The following COMMD6 variants were observed in gnomAD, a reference collection of about 807,000 sequenced individuals.
COMMD6 encodes COMM domain-containing protein 6.
In COMMD6, 11 loss-of-function variants were observed where a neutral mutation model predicts 13.4. The ratio of observed to expected loss-of-function variants is 0.82; its 90% CI spans 0.52 to 1.36. COMMD6 has a LOEUF of 1.36. COMMD6 is among the 40% of genes most tolerant of loss of function. COMMD6 has a pLI of 0.00. For synonymous variants in COMMD6, 43 were observed against 36.5 expected, an observed-to-expected ratio of 1.18 and a Z score of -0.64; for missense variants, 124 against 102.4, an observed-to-expected ratio of 1.21 and a Z score of -0.91.
At chr13:75,537,242 A>G (rs932031363) in intron 2 of COMMD6, 1 of 1,342,798 alleles carries the variant, frequency 7.4e-7, no homozygotes, top group African/African-American at 1.5e-5. Flanking sequence ...TCAAATTCAT[A>G]TTCCTAGCAT....
At chr13:75,529,957 C>A in intron 3 of COMMD6, 157 bp downstream of exon 3, 3 of 565,186 alleles carry the variant, frequency 5.3e-6, no homozygotes, top group Non-Finnish European at 9.2e-6. Context: ...CCAAAGAAGA[C>A]AAATTAATGT....
At chr13:75,537,994 A>G (rs1016190774), upstream of COMMD6, 36 of 477,354 alleles carry the variant, frequency 7.5e-5, no homozygotes, top group Non-Finnish European at 1.2e-4. Context: ...TTGAGCTAAA[A>G]GAAAATTATT....
At chr13:75,527,772 T>C in intron 3 of COMMD6, 1 of 1,409,684 alleles carries the variant, frequency 7.1e-7, no homozygotes. Context: ...TAATACTGCG[T>C]GATCTCACTT....
chr13:75,546,415 A>G (rs1338763306), intron 1 of COMMD6, among the ~76,000 whole-genome samples: 1 of 152,352 alleles, frequency 6.6e-6, no homozygotes, highest in Middle Eastern at 3.4e-3. Context: ...GGTTGGAGAA[A>G]TCACCAAATC....
intron 3 of COMMD6, among the ~76,000 whole-genome samples, chr13:75,529,084 C>T (rs2030370408): frequency 6.6e-6 from 1 of 152,068 alleles, no homozygotes; most frequent in African/African-American, 2.4e-5. Flanking sequence ...TGTTTAAGTA[C>T]TAAGTGTAAG....
intron 1 of COMMD6, among the ~76,000 whole-genome samples, chr13:75,544,098 G>A (rs1441680886): frequency 6.7e-6 from 1 of 148,604 alleles, no homozygotes; most frequent in Admixed American, 6.7e-5. Flanking sequence ...GTGATTCTGT[G>A]TGTGTTGTGG....
chr13:75,544,522 G>C (rs940845015), intron 1 of COMMD6, among the ~76,000 whole-genome samples: 1 of 152,134 alleles, frequency 6.6e-6, no homozygotes, highest in African/African-American at 2.4e-5. Flanking sequence ...CAGCACTTTG[G>C]GAGGCTGAGG....
At chr13:75,546,372 G>GA (rs1197749832) in intron 1 of COMMD6, among the ~76,000 whole-genome samples, 1 of 152,166 alleles carries the variant, frequency 6.6e-6, no homozygotes, top group East Asian at 1.9e-4. Flanking sequence ...GCTTTGAGTA[G>GA]ATAAGTTACT....
chr13:75,526,606 CT>C lies in COMMD6; in HGVS notation c.240del (p.Val81LeufsTer12). On this transcript the variant is annotated frameshift_variant, in exon 4 of 4. Coordinates refer to ENST00000682242, the MANE Select transcript of COMMD6 (RefSeq NM_203495.4). LOFTEE classifies it high-confidence loss of function. ...ATCCGTCTTCACACCGTTTCAATAA[CT>C]GCAGCAATTTCCTTGAACTGTCTGT... ...NFYRQFKEIA[A>X]VIETV The C allele has an allele frequency of 6.2e-7, 1 of 1,606,946 alleles. No individual in the cohort carries two copies. Among genetic ancestry groups the C allele is most frequent in the South Asian group, 1.1e-5 (1 of 90,042 alleles).
At chr13:75,547,103 T>C (rs543327344) in intron 1 of COMMD6, among the ~76,000 whole-genome samples, 2 of 152,336 alleles carry the variant, frequency 1.3e-5, no homozygotes, top group East Asian at 3.9e-4. Flanking sequence ...ATTTTCTCTG[T>C]AAGGCACATG....
rs991474441 is a variant in COMMD6, at chr13:75,525,474, G to C, written c.*1115C>G. ...AGGAACACGACGACACTGGTTGTGG[G>C]AGGGAGAGAGAAGGGATCTTTGGTT... is the stretch of plus-strand genomic sequence containing the variant. On this transcript the variant is annotated 3_prime_UTR_variant, in exon 4 of 4. Coordinates refer to ENST00000682242, the MANE Select transcript of COMMD6 (RefSeq NM_203495.4). 3.3e-5 allele frequency: 5 copies of C among 152,262 alleles called. No homozygotes were observed. The allele number at this position is 152,262 out of a possible 1,614,324, so 9.4% of individuals were successfully genotyped here.
chr13:75,536,364 G>A (rs889273707), intron 2 of COMMD6, among the ~76,000 whole-genome samples: 17 of 152,324 alleles, frequency 1.1e-4, no homozygotes, highest in African/African-American at 2.9e-4. Context: ...ATAGAAGGAT[G>A]TGCAGTAGGC....
chr13:75,537,286 T>C (rs1347589271), intron 2 of COMMD6: 19 of 1,528,966 alleles, frequency 1.2e-5, no homozygotes, highest in African/African-American at 1.4e-5. Context: ...TAAAATGCTA[T>C]ACTCCATCTT....
At chr13:75,531,371 T>C (rs1222211675) in intron 2 of COMMD6, among the ~76,000 whole-genome samples, 1 of 152,158 alleles carries the variant, frequency 6.6e-6, no homozygotes, top group Non-Finnish European at 1.5e-5. Context: ...TTAGGACTTT[T>C]GGGGTATGGA....
chr13:75,528,003 AC>A (rs1273367310), intron 3 of COMMD6: 22 of 822 alleles, frequency 0.027, no homozygotes, highest in African/African-American at 0.097. Context: ...TGCCCTCAGC[AC>A]ACACACACAC....
rs143172831 is a variant in COMMD6, at chr13:75,537,783, G to A, written c.23C>T (p.Pro8Leu). The change falls in exon 1 of 4, where the codon CCG (proline) becomes CTG (leucine). Residue 8 changes from proline (P) to leucine (L), a missense_variant. Physicochemically the swap from Pro to Leu is moderately conservative, Grantham distance 98. Coordinates refer to ENST00000682242, the MANE Select transcript of COMMD6 (RefSeq NM_203495.4). ...ACTCACATCGGACTTAGCATCCAGCGGCGGCTCGCTGGACGCCTCCATGGG... is the reference window on the plus strand; with the variant it reads ...ACTCACATCGGACTTAGCATCCAGCAGCGGCTCGCTGGACGCCTCCATGGG... Reference protein sequence around the residue: MEASSEPPLDAKSDVTNQ... With the variant: MEASSEPLLDAKSDVTNQ... The A allele has an allele frequency of 4.3e-6, 7 of 1,611,432 alleles. No individual in the cohort carries two copies. Among genetic ancestry groups the A allele is most frequent in the Non-Finnish European group, 5.1e-6 (6 of 1,178,112 alleles).
intron 2 of COMMD6, among the ~76,000 whole-genome samples, chr13:75,533,278 A>T (rs763055145): frequency 3.3e-5 from 5 of 151,676 alleles, no homozygotes; most frequent in Non-Finnish European, 7.4e-5. Context: ...TGATTAATGG[A>T]TATTCAGGCT....
chr13:75,539,969 CTTTTTT>C (rs34796430), upstream of COMMD6, among the ~76,000 whole-genome samples: 4 of 113,810 alleles, frequency 3.5e-5, no homozygotes, highest in Admixed American at 1.9e-4. Context: ...GCAAGGAAAT[CTTTTTT>C]TTTTTTTTTT....
At chr13:75,535,468 G>C (rs944610762) in intron 2 of COMMD6, among the ~76,000 whole-genome samples, 8 of 152,202 alleles carry the variant, frequency 5.3e-5, no homozygotes, top group Admixed American at 2.6e-4. Context: ...TTCCAGGAAA[G>C]AGAATGGCGG....
Sources: allele counts gnomAD v4.1 joint callset (sites outside exome capture counted in the v4.1 genomes callset), GRCh38; gene constraint gnomAD v4.1.1; transcripts MANE v1.5; gene names NCBI Gene and HGNC (gene_info 2026-07-23, HGNC 2026-07-21).